Variants in CDH13 observed in about 807,000 individuals in gnomAD.
CDH13 encodes the protein cadherin 13, also known as cadherin-13.
A neutral mutation model predicts 63.8 loss-of-function variants in CDH13; 24 were observed. The ratio of observed to expected loss-of-function variants is 0.38; its 90% CI spans 0.27 to 0.53. The LOEUF (loss-of-function observed/expected upper bound fraction) is 0.53. CDH13 is among the 20% of genes least tolerant of loss of function. The probability of loss-of-function intolerance (pLI) is 0.85; values close to 1 mark genes in which losing one functional copy is unlikely to be tolerated. For synonymous variants in CDH13, 503 were observed against 355.3 expected (o/e 1.42, Z -4.67); for missense variants, 1,049 against 903.1 (o/e 1.16, Z -2.07).
chr16:83,351,088 T>C (rs1319599466), intron 6 of CDH13, among the ~76,000 whole-genome samples: 2 of 152,204 alleles, frequency 1.3e-5, no homozygotes, highest in African/African-American at 2.4e-5. Flanking sequence ...AGGTTGTTGC[T>C]ATGGCCTGGT....
At chr16:83,578,912 G>A (rs191222295) in intron 7 of CDH13, among the ~76,000 whole-genome samples, 2 of 152,292 alleles carry the variant, frequency 1.3e-5, no homozygotes, top group Non-Finnish European at 2.9e-5. Context: ...TGAGGTTAAC[G>A]TACCTAAAGT....
chr16:83,416,754 T>C (rs1052030506), intron 6 of CDH13, among the ~76,000 whole-genome samples: 7 of 152,168 alleles, frequency 4.6e-5, no homozygotes, highest in African/African-American at 1.7e-4. Flanking sequence ...AATGCTGGGG[T>C]CAAATCTCTG....
chr16:83,646,585 C>T (rs1911816127), intron 8 of CDH13, among the ~76,000 whole-genome samples: 2 of 151,496 alleles, frequency 1.3e-5, no homozygotes, highest in African/African-American at 4.8e-5. Context: ...CCCTGTAGTC[C>T]CAGCTACTCA....
intron 5 of CDH13, among the ~76,000 whole-genome samples, chr16:83,260,328 C>G (rs527639056): frequency 1.3e-5 from 2 of 152,214 alleles, no homozygotes; most frequent in South Asian, 4.2e-4. Context: ...GAACATATTT[C>G]TGCAAAAATA....
chr16:83,401,546 CTG>C (rs2091968429), intron 6 of CDH13, among the ~76,000 whole-genome samples: 1 of 151,874 alleles, frequency 6.6e-6, no homozygotes, highest in Non-Finnish European at 1.5e-5. Context: ...TAAAAATAAT[CTG>C]TGGTTTTTCC....
chr16:82,877,210 A>C (rs2040536330), intron 2 of CDH13, among the ~76,000 whole-genome samples: 1 of 152,202 alleles, frequency 6.6e-6, no homozygotes, highest in South Asian at 2.1e-4. Flanking sequence ...ATCTTGATTT[A>C]AGATTGTTAG....
At chr16:83,326,815 C>G (rs1051505587) in intron 5 of CDH13, among the ~76,000 whole-genome samples, 5 of 152,156 alleles carry the variant, frequency 3.3e-5, no homozygotes, top group Non-Finnish European at 5.9e-5. Context: ...ATAACAAAGC[C>G]AAATGCTGGC....
At chr16:82,653,587 G>C (rs959235829) in intron 1 of CDH13, among the ~76,000 whole-genome samples, 1 of 152,188 alleles carries the variant, frequency 6.6e-6, no homozygotes, top group African/African-American at 2.4e-5. Flanking sequence ...GGGGGAAGCT[G>C]AGAGTTGCTT....
At chr16:83,476,860 G>T (rs9921164) in intron 6 of CDH13, among the ~76,000 whole-genome samples, 2 of 152,040 alleles carry the variant, frequency 1.3e-5, no homozygotes, top group African/African-American at 4.8e-5. Flanking sequence ...ATTTTTTGAA[G>T]TGTTTTCAGG....
At chr16:83,169,429 C>A (rs1308890734) in intron 4 of CDH13, among the ~76,000 whole-genome samples, 1 of 152,082 alleles carries the variant, frequency 6.6e-6, no homozygotes, top group African/African-American at 2.4e-5. Flanking sequence ...CCTGCCTCGG[C>A]TTCCCGAAGT....
At chr16:82,818,322 T>G (rs2037826943) in intron 1 of CDH13, among the ~76,000 whole-genome samples, 2 of 152,012 alleles carry the variant, frequency 1.3e-5, no homozygotes, top group Admixed American at 1.3e-4. Flanking sequence ...ATATTCAAAC[T>G]AAGGACTAAA....
chr16:83,192,365 G>A (rs1355860676), intron 4 of CDH13, among the ~76,000 whole-genome samples: 1 of 152,128 alleles, frequency 6.6e-6, no homozygotes, highest in African/African-American at 2.4e-5. Context: ...CAGAATAAAG[G>A]GTCTTCTCCT....
chr16:83,707,864 G>C (rs1373520721), intron 10 of CDH13, among the ~76,000 whole-genome samples: 1 of 88,590 alleles, frequency 1.1e-5, no homozygotes, highest in Non-Finnish European at 2.4e-5. Flanking sequence ...AAAAAGAGCT[G>C]GGAAAGTTGA....
rs151252768 is a variant in CDH13, at chr16:83,697,773, G to C, written c.1538+19312G>C. Among the ~76,000 whole-genome samples the C allele has an allele frequency of 3.2e-3, 491 of 152,280 alleles. 4 individuals carry two copies. The highest frequency in any genetic ancestry group is 0.011 in the African/African-American group (459 of 41,564). Reference sequence around the variant, plus strand: ...AGCAATTCTCCTGCCTCAGCCTCCTGAGTAGCTGGGATTACAGGCATGCGC... The same window carrying C: ...AGCAATTCTCCTGCCTCAGCCTCCTCAGTAGCTGGGATTACAGGCATGCGC... On this transcript the variant is annotated intron_variant, in intron 10 of 13. Coordinates refer to ENST00000567109, the MANE Select transcript of CDH13 (RefSeq NM_001257.5).
chr16:82,680,153 G>T (rs904333044), intron 1 of CDH13, among the ~76,000 whole-genome samples: 8 of 152,178 alleles, frequency 5.3e-5, no homozygotes, highest in African/African-American at 7.2e-5. Context: ...ATCTGGGCCT[G>T]CAGGAAGGAC....
intron 6 of CDH13, among the ~76,000 whole-genome samples, chr16:83,354,752 G>T (rs867882246): frequency 1.6e-4 from 24 of 152,200 alleles, no homozygotes; most frequent in Middle Eastern, 3.2e-3. Context: ...TACCAGGTGA[G>T]ACAGGGAGAT....
chr16:83,412,742 C>G (rs998585060), intron 6 of CDH13, among the ~76,000 whole-genome samples: 8 of 152,180 alleles, frequency 5.3e-5, no homozygotes, highest in African/African-American at 1.7e-4. Context: ...AAGTCATGAG[C>G]CCCCTTAAGA....
At chr16:83,604,100 G>T (rs1908104949) in intron 8 of CDH13, among the ~76,000 whole-genome samples, 1 of 152,138 alleles carries the variant, frequency 6.6e-6, no homozygotes, top group Admixed American at 6.5e-5. Flanking sequence ...TTCAACATGA[G>T]ATTTGGGTGG....
chr16:83,179,733 G>A (rs1362648952), intron 4 of CDH13, among the ~76,000 whole-genome samples: 1 of 151,886 alleles, frequency 6.6e-6, no homozygotes, highest in Non-Finnish European at 1.5e-5. Flanking sequence ...GTTTGAATTC[G>A]TCTCCCCAGA....
Sources: gnomAD v4.1 joint callset for allele counts (sites outside exome capture counted in the v4.1 genomes callset) on GRCh38, gnomAD v4.1.1 for gene constraint, MANE v1.5 for transcripts, NCBI Gene and HGNC (gene_info 2026-07-23, HGNC 2026-07-21) for gene names.